Variants in METTL24 observed in about 807,000 individuals in gnomAD.
The protein encoded by METTL24 is methyltransferase like 24, also known as probable methyltransferase-like protein 24.
METTL24 carries 29 observed loss-of-function variants against 32.7 expected under a neutral mutation model. The ratio of observed to expected loss-of-function variants is 0.89; its 90% CI spans 0.66 to 1.21. The LOEUF (loss-of-function observed/expected upper bound fraction) is 1.21, where lower values mean the gene tolerates loss of function less well. METTL24 is among the 50% of genes most tolerant of loss of function. METTL24 has a pLI of 0.00. For missense variants in METTL24, 439 were observed against 468.1 expected, an observed-to-expected ratio of 0.94 and a Z score of 0.57; for synonymous variants, 163 against 179.5, an observed-to-expected ratio of 0.91 and a Z score of 0.73.
At chr6:110,247,545 G>A (rs1302293818) in intron 4 of METTL24, among the ~76,000 whole-genome samples, 1 of 152,042 alleles carries the variant, frequency 6.6e-6, no homozygotes, top group African/African-American at 2.4e-5. Context: ...TTTTCAAGGG[G>A]GATAATTCTA....
intron 1 of METTL24, among the ~76,000 whole-genome samples, chr6:110,328,880 C>T (rs916733814): frequency 2.2e-4 from 34 of 152,198 alleles, no homozygotes; most frequent in African/African-American, 8.2e-4. Flanking sequence ...ATAACAGCTT[C>T]CTCCTTCACA....
intron 4 of METTL24, among the ~76,000 whole-genome samples, chr6:110,264,220 C>T (rs1295351203): frequency 6.6e-6 from 1 of 152,064 alleles, no homozygotes; most frequent in African/African-American, 2.4e-5. Context: ...GCAATCTACT[C>T]ATCTGACAAA....
chr6:110,305,639 C>A (rs1771613773), intron 3 of METTL24, among the ~76,000 whole-genome samples: 1 of 151,834 alleles, frequency 6.6e-6, no homozygotes, highest in South Asian at 2.1e-4. Context: ...CCATCTCATG[C>A]CAGTTAGAAT....
At chr6:110,332,020 AGG>A (rs1772118718) in intron 1 of METTL24, among the ~76,000 whole-genome samples, 2 of 152,198 alleles carry the variant, frequency 1.3e-5, no homozygotes, top group African/African-American at 4.8e-5. Flanking sequence ...AGCAGACAGC[AGG>A]CATGCTGAAA....
chr6:110,273,423 T>C (rs1770991151), intron 4 of METTL24, among the ~76,000 whole-genome samples: 1 of 151,184 alleles, frequency 6.6e-6, no homozygotes, highest in Non-Finnish European at 1.5e-5. Flanking sequence ...ATCAGCAGAG[T>C]AAACAGACAG....
At chr6:110,296,646 AAACT>A (rs1205239823) in intron 4 of METTL24, among the ~76,000 whole-genome samples, 1 of 152,210 alleles carries the variant, frequency 6.6e-6, no homozygotes, top group Non-Finnish European at 1.5e-5. Context: ...CAGAATAGGA[AAACT>A]AACAGCGGAA....
chr6:110,344,670 A>G (rs1772433642), intron 1 of METTL24, among the ~76,000 whole-genome samples: 1 of 152,154 alleles, frequency 6.6e-6, no homozygotes. Flanking sequence ...AGTGTTTCCC[A>G]AGCAATGGGG....
intron 3 of METTL24, among the ~76,000 whole-genome samples, chr6:110,304,623 G>A (rs9487364): frequency 0.3 from 45,066 of 152,032 alleles, 11,721 homozygotes; most frequent in African/African-American, 0.7. Context: ...TTAGAGAAAA[G>A]AGAATGAAAA....
intron 4 of METTL24, among the ~76,000 whole-genome samples, chr6:110,254,506 C>T (rs961177387): frequency 6.6e-6 from 1 of 152,080 alleles, no homozygotes; most frequent in Non-Finnish European, 1.5e-5. Context: ...GTGGCATGCA[C>T]CTGCAATCCC....
At chr6:110,309,078 A>AT (rs1771673198) in intron 3 of METTL24, among the ~76,000 whole-genome samples, 1 of 152,212 alleles carries the variant, frequency 6.6e-6, no homozygotes, top group South Asian at 2.1e-4. Flanking sequence ...AGAACTGTAT[A>AT]TTTTAAATGG....
At chr6:110,334,794 T>C (rs1443258487) in intron 1 of METTL24, among the ~76,000 whole-genome samples, 1 of 152,256 alleles carries the variant, frequency 6.6e-6, no homozygotes, top group Non-Finnish European at 1.5e-5. Flanking sequence ...ATATTGTTCA[T>C]GTTTCATACT....
chr6:110,344,933 A>T lies in METTL24; in HGVS notation c.318+13022T>A, dbSNP rs144481306. Among the ~76,000 whole-genome samples the T allele has an allele frequency of 4.4e-4, 67 of 152,370 alleles. 2 individuals carry two copies. The East Asian group carries it at 0.013, about 29-fold the overall frequency. On this transcript the variant is annotated intron_variant, in intron 1 of 4. Transcript: ENST00000338882. ...ACAAAAGCAAAAATTGACAAATGGG[A>T]TCTACTTAAACTTAAGAGCTTCTGC...
chr6:110,318,402 C>T (rs894290407), intron 2 of METTL24, among the ~76,000 whole-genome samples: 1 of 152,010 alleles, frequency 6.6e-6, no homozygotes, highest in African/African-American at 2.4e-5. Flanking sequence ...AATCCCAGCA[C>T]TTTGGGAGGC....
intron 4 of METTL24, among the ~76,000 whole-genome samples, chr6:110,289,679 G>T (rs1771284428): frequency 6.6e-6 from 1 of 151,952 alleles, no homozygotes. Context: ...CAAAAGTAGA[G>T]AATTAAAAAA....
At chr6:110,295,211 C>A (rs1199245379) in intron 4 of METTL24, among the ~76,000 whole-genome samples, 1 of 151,768 alleles carries the variant, frequency 6.6e-6, no homozygotes, top group Non-Finnish European at 1.5e-5. Context: ...TTATGCCCAG[C>A]TAATTTTTTA....
At chr6:110,293,187 G>C (rs1349131116) in intron 4 of METTL24, among the ~76,000 whole-genome samples, 3 of 151,900 alleles carry the variant, frequency 2.0e-5, no homozygotes, top group South Asian at 2.1e-4. Context: ...CATAAGAAAG[G>C]GTTAATCATT....
chr6:110,297,313 T>A (rs888989178), intron 4 of METTL24, among the ~76,000 whole-genome samples: 2 of 152,216 alleles, frequency 1.3e-5, no homozygotes, highest in East Asian at 3.8e-4. Flanking sequence ...CATACCTTGT[T>A]ATCTAAAATT....
intron 4 of METTL24, among the ~76,000 whole-genome samples, chr6:110,285,297 T>C (rs1410623903): frequency 6.6e-6 from 1 of 152,228 alleles, no homozygotes; most frequent in African/African-American, 2.4e-5. Flanking sequence ...CACTCCATGC[T>C]AGGAAATTTG....
chr6:110,328,728 T>C (rs1412294244), intron 1 of METTL24, among the ~76,000 whole-genome samples: 1 of 152,190 alleles, frequency 6.6e-6, no homozygotes, highest in Non-Finnish European at 1.5e-5. Context: ...CTTACACTCA[T>C]GTACATAATA....
Sources: allele counts gnomAD v4.1 joint callset (sites outside exome capture counted in the v4.1 genomes callset), GRCh38; gene constraint gnomAD v4.1.1; transcripts MANE v1.5; gene names NCBI Gene and HGNC (gene_info 2026-07-23, HGNC 2026-07-21).